Variants in SPAG16 observed in about 807,000 individuals in gnomAD.
SPAG16 encodes sperm-associated antigen 16 protein.
In SPAG16, 86 loss-of-function variants were observed where a neutral mutation model predicts 80.4. That is an observed-to-expected ratio of 1.07 (90% CI 0.90 to 1.28). SPAG16 has a LOEUF of 1.28. Among genes scored for constraint, SPAG16 ranks in the 50% most tolerant of loss-of-function variants. The pLI is 0.00. For synonymous variants in SPAG16, 294 were observed against 265.9 expected (o/e 1.11, Z -1.03); for missense variants, 870 against 765.3 (o/e 1.14, Z -1.61).
intron 12 of SPAG16, among the ~76,000 whole-genome samples, chr2:213,979,096 T>G (rs1396321512): frequency 1.3e-5 from 2 of 152,030 alleles, no homozygotes; most frequent in Non-Finnish European, 2.9e-5. Flanking sequence ...GGTGACATAT[T>G]CTATTGGTTA....
At chr2:213,292,666 A>AAAAAAG (rs2062330292) in intron 1 of SPAG16, among the ~76,000 whole-genome samples, 1 of 136,126 alleles carries the variant, frequency 7.3e-6, no homozygotes, top group South Asian at 2.2e-4. Flanking sequence ...TCCGTCTCAA[A>AAAAAAG]AAAAAAAAAC....
At chr2:213,665,783 A>C (rs926024446) in intron 10 of SPAG16, among the ~76,000 whole-genome samples, 2 of 152,142 alleles carry the variant, frequency 1.3e-5, no homozygotes, top group Non-Finnish European at 2.9e-5. Flanking sequence ...AAGCCTATCT[A>C]ACAAACATAT....
chr2:213,651,253 A>T (rs2063007057), intron 10 of SPAG16, among the ~76,000 whole-genome samples: 1 of 152,110 alleles, frequency 6.6e-6, no homozygotes, highest in Non-Finnish European at 1.5e-5. Flanking sequence ...TTTGGATTTG[A>T]TACTGGTGCT....
chr2:214,256,657 C>G (rs922303338), intron 15 of SPAG16, among the ~76,000 whole-genome samples: 1 of 151,872 alleles, frequency 6.6e-6, no homozygotes, highest in Admixed American at 6.6e-5. Flanking sequence ...ACAACAACAA[C>G]AAGAACAACA....
chr2:213,323,847 A>G (rs1198857293), intron 5 of SPAG16, among the ~76,000 whole-genome samples: 1 of 152,206 alleles, frequency 6.6e-6, no homozygotes, highest in Admixed American at 6.5e-5. Context: ...AACCTTGAGG[A>G]CACTATGGTA....
At chr2:214,382,624 G>A (rs575316524) in intron 15 of SPAG16, among the ~76,000 whole-genome samples, 4 of 152,320 alleles carry the variant, frequency 2.6e-5, no homozygotes, top group Admixed American at 2.6e-4. Flanking sequence ...CAATAGCTCA[G>A]TTATTGAGTA....
chr2:214,357,546 G>A (rs1401033782), intron 15 of SPAG16, among the ~76,000 whole-genome samples: 1 of 151,696 alleles, frequency 6.6e-6, no homozygotes, highest in East Asian at 1.9e-4. Context: ...TTGTGGAAAT[G>A]CTATTTTGTT....
intron 10 of SPAG16, among the ~76,000 whole-genome samples, chr2:213,816,535 A>G (rs2072550107): frequency 6.6e-6 from 1 of 152,048 alleles, no homozygotes; most frequent in African/African-American, 2.4e-5. Flanking sequence ...ATTTGTAATA[A>G]AGTGCTAAAT....
chr2:214,076,510 A>G (rs904979555), intron 13 of SPAG16, among the ~76,000 whole-genome samples: 1 of 139,598 alleles, frequency 7.2e-6, no homozygotes, highest in African/African-American at 2.7e-5. Flanking sequence ...TTCTTATTTT[A>G]TTCTGTGTGT....
intron 14 of SPAG16, among the ~76,000 whole-genome samples, chr2:214,118,662 G>A (rs146744514): frequency 4.1e-4 from 63 of 152,044 alleles, no homozygotes; most frequent in African/African-American, 1.4e-3. Flanking sequence ...GAGGGTAACC[G>A]CCCCCATGAT....
chr2:214,108,853 T>C lies in SPAG16; in HGVS notation c.1593+592T>C, dbSNP rs545148851. On this transcript the variant is annotated intron_variant, in intron 14 of 15. Transcript: ENST00000331683. The stretch of plus-strand genomic sequence containing the variant: ...TGAGGTATTCATTCAGGTGTAAGGA[T>C]GATTTCACAAACAATGAAAATTGTT... 3.9e-5 allele frequency among the ~76,000 whole-genome samples: 6 copies of C among 152,326 alleles called. No homozygotes were observed. The South Asian group carries it at 1.2e-3, about 32-fold the overall frequency.
At chr2:214,177,274 A>G (rs2057123314) in intron 15 of SPAG16, among the ~76,000 whole-genome samples, 1 of 151,118 alleles carries the variant, frequency 6.6e-6, no homozygotes, top group Non-Finnish European at 1.5e-5. Flanking sequence ...CTTTTTCTTA[A>G]CATATGGACC....
At chr2:213,524,526 G>T (rs2075808957) in intron 10 of SPAG16, among the ~76,000 whole-genome samples, 1 of 152,212 alleles carries the variant, frequency 6.6e-6, no homozygotes, top group Admixed American at 6.5e-5. Flanking sequence ...AGGCAGCTGG[G>T]AAGGAGGTTG....
At chr2:213,317,706 C>T (rs755957898) in intron 5 of SPAG16, 14 of 988,646 alleles carry the variant, frequency 1.4e-5, no homozygotes, top group African/African-American at 1.7e-5. Flanking sequence ...TATAGAAAGC[C>T]GAGAGGAAAT....
chr2:214,380,184 C>A lies in SPAG16; in HGVS notation c.1721-29956C>A, dbSNP rs1485315126. Among the ~76,000 whole-genome samples the A allele has an allele frequency of 2.0e-5, 3 of 152,130 alleles. 1 individual carries two copies. Among genetic ancestry groups the A allele is most frequent in the African/African-American group, 4.8e-5 (2 of 41,438 alleles). ...AAACTTTTCCTTAAACAAGGTAGAC[C>A]AAACCTATAGTAATGGCCTTTAAAA... On this transcript the variant is annotated intron_variant, in intron 15 of 15. Coordinates refer to ENST00000331683, the MANE Select transcript of SPAG16 (RefSeq NM_024532.5).
At chr2:213,292,340 C>T (rs2062309337) in intron 1 of SPAG16, among the ~76,000 whole-genome samples, 1 of 152,170 alleles carries the variant, frequency 6.6e-6, no homozygotes. Flanking sequence ...CTTCCTCTAG[C>T]TGAACCTTCG....
intron 11 of SPAG16, among the ~76,000 whole-genome samples, chr2:213,909,918 A>G (rs1421710559): frequency 2.0e-5 from 3 of 152,286 alleles, no homozygotes; most frequent in Admixed American, 6.5e-5. Flanking sequence ...TAAAGATTGG[A>G]GGGTTTTCAC....
At chr2:213,879,568 G>T (rs1383691512) in intron 11 of SPAG16, among the ~76,000 whole-genome samples, 1 of 151,732 alleles carries the variant, frequency 6.6e-6, no homozygotes, top group Admixed American at 6.6e-5. Context: ...TTATTGCATG[G>T]GTTCATTGTA....
At chr2:213,476,807 G>A (rs1387956845) in intron 9 of SPAG16, among the ~76,000 whole-genome samples, 5 of 152,198 alleles carry the variant, frequency 3.3e-5, no homozygotes, top group Admixed American at 2.0e-4. Flanking sequence ...TTTTACTCTC[G>A]CTGCCCACAG....
Sources: gnomAD v4.1 joint callset for allele counts (sites outside exome capture counted in the v4.1 genomes callset) on GRCh38, gnomAD v4.1.1 for gene constraint, MANE v1.5 for transcripts, NCBI Gene and HGNC (gene_info 2026-07-23, HGNC 2026-07-21) for gene names.